The following RBMS3 variants were observed in gnomAD, a reference collection of about 807,000 sequenced individuals.
The protein encoded by RBMS3 is RNA binding motif single stranded interacting protein 3, also known as RNA-binding motif, single-stranded-interacting protein 3.
A neutral mutation model predicts 66.8 loss-of-function variants in RBMS3; 27 were observed. That is an observed-to-expected ratio of 0.40 (90% CI 0.30 to 0.56). The LOEUF (loss-of-function observed/expected upper bound fraction) is 0.56. Among genes scored for constraint, RBMS3 ranks in the 20% least tolerant of loss-of-function variants. The pLI is 0.40. For synonymous variants in RBMS3, 188 were observed against 183.0 expected (o/e 1.03, Z -0.22); for missense variants, 513 against 549.5 (o/e 0.93, Z 0.66).
chr3:29,623,182 G>T (rs56092654), intron 4 of RBMS3, among the ~76,000 whole-genome samples: 24,108 of 130,248 alleles, frequency 0.19, 2,364 homozygotes, highest in Middle Eastern at 0.22. Flanking sequence ...GGGGGGGGGG[G>T]TCTAAATTAT....
intron 1 of RBMS3, among the ~76,000 whole-genome samples, chr3:29,305,735 G>T (rs894139146): frequency 1.3e-5 from 2 of 151,968 alleles, no homozygotes; most frequent in African/African-American, 2.4e-5. Context: ...CTTGCCTATT[G>T]TTGATCCTTG....
intron 4 of RBMS3, among the ~76,000 whole-genome samples, chr3:29,619,191 G>C (rs1026866415): frequency 6.6e-6 from 1 of 150,710 alleles, no homozygotes; most frequent in Non-Finnish European, 1.5e-5. Flanking sequence ...TAGATGAAGG[G>C]TCAATAGGTG....
intron 3 of RBMS3, among the ~76,000 whole-genome samples, chr3:29,493,707 A>G (rs2043635323): frequency 6.6e-6 from 1 of 152,148 alleles, no homozygotes; most frequent in African/African-American, 2.4e-5. Flanking sequence ...TGTTCTTTCT[A>G]TGGAACCTGA....
At chr3:29,971,820 A>G (rs1314301674) in intron 12 of RBMS3, among the ~76,000 whole-genome samples, 1 of 152,102 alleles carries the variant, frequency 6.6e-6, no homozygotes, top group African/African-American at 2.4e-5. Context: ...GCAAGGCAAC[A>G]TACAGGAATT....
At chr3:29,306,527 A>G (rs1200869548) in intron 1 of RBMS3, among the ~76,000 whole-genome samples, 1 of 151,974 alleles carries the variant, frequency 6.6e-6, no homozygotes, top group Admixed American at 6.6e-5. Context: ...TAATTCACAG[A>G]AAGTAAGTAA....
chr3:29,497,972 C>CTTTTTTTTT (rs1559412873), intron 3 of RBMS3, among the ~76,000 whole-genome samples: 3 of 42,276 alleles, frequency 7.1e-5, no homozygotes, highest in Admixed American at 2.7e-4. Flanking sequence ...TAAAAGTATT[C>CTTTTTTTTT]ATTTTTTTTT....
intron 10 of RBMS3, among the ~76,000 whole-genome samples, chr3:29,919,633 T>C (rs1240582391): frequency 6.6e-6 from 1 of 152,212 alleles, no homozygotes; most frequent in Non-Finnish European, 1.5e-5. Flanking sequence ...TAATCACCTC[T>C]CTATCTTGGA....
chr3:30,005,474 T>G lies in RBMS3; in HGVS notation c.*1612T>G, dbSNP rs542885931. On this transcript the variant is annotated 3_prime_UTR_variant, in exon 15 of 15. Transcript: ENST00000383767. ...ATATGAAATTTCAGCTAAAGACACTTTCTGGACCTGGTCTGAAAGGTCATT... is the reference window on the plus strand; with the variant it reads ...ATATGAAATTTCAGCTAAAGACACTGTCTGGACCTGGTCTGAAAGGTCATT... 3 of 151,994 alleles carry G rather than the reference T, an allele frequency of 2.0e-5. No individual in the cohort carries two copies. The highest frequency in any genetic ancestry group is 4.1e-4 in the South Asian group (2 of 4,830). 9.4% of individuals were successfully genotyped at this position (151,994 alleles called of 1,614,324 possible).
chr3:29,427,303 A>G (rs903250845), intron 1 of RBMS3, among the ~76,000 whole-genome samples: 1 of 152,232 alleles, frequency 6.6e-6, no homozygotes, highest in Admixed American at 6.5e-5. Flanking sequence ...GGTTCATGAA[A>G]CCATGGCTGT....
At chr3:29,805,947 T>C (rs2057532886) in intron 6 of RBMS3, among the ~76,000 whole-genome samples, 1 of 152,166 alleles carries the variant, frequency 6.6e-6, no homozygotes, top group East Asian at 1.9e-4. Context: ...CTTTCAGTTT[T>C]GCAAGCTGCA....
Position 29,673,922 on chromosome 3 carries a change from A to T in RBMS3, c.400-65798A>T, listed in dbSNP as rs534747787. 3.2e-4 allele frequency among the ~76,000 whole-genome samples: 48 copies of T among 152,302 alleles called. 1 individual carries two copies. The East Asian group carries it at 5.2e-3, about 17-fold the overall frequency. On this transcript the variant is annotated intron_variant, in intron 4 of 14. Transcript: ENST00000383767. Reference sequence around the variant, plus strand: ...ATTTTATGAGGCCTGCATCATCCTGATACCAAAGCCTGGCAGAGATACAAC... The same window carrying T: ...ATTTTATGAGGCCTGCATCATCCTGTTACCAAAGCCTGGCAGAGATACAAC...
At chr3:29,555,054 A>G (rs902290016) in intron 3 of RBMS3, among the ~76,000 whole-genome samples, 4 of 152,176 alleles carry the variant, frequency 2.6e-5, no homozygotes, top group African/African-American at 9.7e-5. Flanking sequence ...TCCTTCATTC[A>G]TAATTCATGA....
chr3:29,470,939 T>G (rs2042703650), intron 2 of RBMS3, among the ~76,000 whole-genome samples: 1 of 152,262 alleles, frequency 6.6e-6, no homozygotes, highest in South Asian at 2.1e-4. Context: ...GCTTACTTAA[T>G]GCCTGCTTGT....
At chr3:29,357,295 G>A (rs999381256) in intron 1 of RBMS3, among the ~76,000 whole-genome samples, 2 of 152,070 alleles carry the variant, frequency 1.3e-5, no homozygotes, top group Non-Finnish European at 2.9e-5. Context: ...GAGAACACGC[G>A]GTGTTTGGTT....
chr3:29,343,296 C>T (rs78861242), intron 1 of RBMS3, among the ~76,000 whole-genome samples: 8,564 of 151,888 alleles, frequency 0.056, 256 homozygotes, highest in Middle Eastern at 0.065. Context: ...AAGATATAGC[C>T]AGTTACCTAA....
intron 3 of RBMS3, among the ~76,000 whole-genome samples, chr3:29,561,427 T>C (rs972426571): frequency 1.3e-4 from 18 of 141,716 alleles, no homozygotes; most frequent in African/African-American, 5.3e-4. Context: ...CCAGCATCTG[T>C]TGTTTTTGTT....
At position 29,384,435 on chromosome 3, in the gene RBMS3, T is replaced by TAATAATAATAAGAAGAAGAAGAAG. The variant is rs776357215; in HGVS notation, c.76-50306_76-50305insTAATAATAAGAAGAAGAAGAAGAA. Among the ~76,000 whole-genome samples the TAATAATAATAAGAAGAAGAAGAAG allele has an allele frequency of 4.8e-3, 683 of 141,072 alleles. 6 individuals carry two copies. Among genetic ancestry groups the TAATAATAATAAGAAGAAGAAGAAG allele is most frequent in the Non-Finnish European group, 7.5e-3 (491 of 65,484 alleles). 92.5% of individuals were successfully genotyped at this position (141,072 alleles called of 152,430 possible). A position where few individuals can be genotyped will look rare whatever the true frequency, so the allele number is the denominator to read the frequency against. On this transcript the variant is annotated intron_variant, in intron 1 of 14. Coordinates refer to ENST00000383767, the MANE Select transcript of RBMS3 (RefSeq NM_001003793.3). ...TATACACCAATAATAATAATAATAATAAGAAGAAGAAGAAGAAGAAGAAGA... is the reference window on the plus strand; with the variant it reads ...TATACACCAATAATAATAATAATAATAATAATAATAAGAAGAAGAAGAAGAAGAAGAAGAAGAAGAAGAAGAAGA...
intron 12 of RBMS3, among the ~76,000 whole-genome samples, chr3:29,973,418 A>G (rs1697348827): frequency 6.6e-6 from 1 of 151,992 alleles, no homozygotes; most frequent in Admixed American, 6.6e-5. Flanking sequence ...AGCTTTATAT[A>G]TGTAAGATTA....
chr3:29,559,750 A>G (rs1030721187), intron 3 of RBMS3, among the ~76,000 whole-genome samples: 1 of 152,120 alleles, frequency 6.6e-6, no homozygotes, highest in Admixed American at 6.6e-5. Flanking sequence ...TGAATGAATG[A>G]ATGAAATCAA....
Sources: gnomAD v4.1 joint callset for allele counts (sites outside exome capture counted in the v4.1 genomes callset) on GRCh38, gnomAD v4.1.1 for gene constraint, MANE v1.5 for transcripts, NCBI Gene and HGNC (gene_info 2026-07-23, HGNC 2026-07-21) for gene names.